SSBP2: variants seen among roughly 807,000 people sequenced by gnomAD.
The protein encoded by SSBP2 is single stranded DNA binding protein 2.
A neutral mutation model predicts 61.8 loss-of-function variants in SSBP2; 17 were observed. The ratio of observed to expected loss-of-function variants is 0.28; its 90% confidence interval spans 0.19 to 0.41. The LOEUF (loss-of-function observed/expected upper bound fraction) is 0.41, where lower values mean the gene tolerates loss of function less well. SSBP2 is among the 10% of genes least tolerant of loss of function. The pLI, the probability that SSBP2 is intolerant of heterozygous loss-of-function variation, is 1.00. For synonymous variants in SSBP2, 139 were observed against 141.3 expected, an observed-to-expected ratio of 0.98 and a Z score of 0.12; for missense variants, 310 against 458.7, an observed-to-expected ratio of 0.68 and a Z score of 2.96.
chr5:81,524,426 T>G (rs2154097844), intron 4 of SSBP2, among the ~76,000 whole-genome samples: 1 of 152,166 alleles, frequency 6.6e-6, no homozygotes, highest in Non-Finnish European at 1.5e-5. Context: ...TACAAAACTG[T>G]GAGATAATAA....
intron 4 of SSBP2, among the ~76,000 whole-genome samples, chr5:81,582,263 TTTTC>T (rs1405962471): frequency 2.2e-4 from 34 of 152,274 alleles, no homozygotes; most frequent in African/African-American, 8.2e-4. Flanking sequence ...CAAGACTATG[TTTTC>T]TTTATTTTTA....
chr5:81,424,275 T>C (rs919663232), intron 16 of SSBP2, among the ~76,000 whole-genome samples: 2 of 151,448 alleles, frequency 1.3e-5, no homozygotes, highest in African/African-American at 2.4e-5. Flanking sequence ...AATACAAAAA[T>C]TAGCCAGGCA....
rs113423842 is a variant in SSBP2 at position 81,563,973 on chromosome 5, C to A, written c.283-50256G>T. Among the ~76,000 whole-genome samples, 741 of 152,200 alleles carry A rather than the reference C, an allele frequency of 4.9e-3. 7 individuals are homozygous for A. Among genetic ancestry groups the A allele is most frequent in the African/African-American group, 0.015 (630 of 41,530 alleles). ...TGGAATGGAAGAAAATATTTGCAAA[C>A]CATATATCTAATATCTAATAATGGG... On this transcript the variant is annotated intron_variant, in intron 4 of 16. Transcript: ENST00000320672.
intron 1 of SSBP2, among the ~76,000 whole-genome samples, chr5:81,745,485 A>C (rs1757297782): frequency 6.6e-6 from 1 of 152,098 alleles, no homozygotes; most frequent in South Asian, 2.1e-4. Flanking sequence ...CTATTGCTCC[A>C]ATGCTATTTT....
At chr5:81,441,304 T>A (rs1054200163) in intron 13 of SSBP2, among the ~76,000 whole-genome samples, 1 of 152,128 alleles carries the variant, frequency 6.6e-6, no homozygotes, top group Admixed American at 6.6e-5. Context: ...GAAGTCTGGT[T>A]CAAAACAGGT....
intron 1 of SSBP2, among the ~76,000 whole-genome samples, chr5:81,750,185 G>C (rs1291491919): frequency 2.0e-5 from 3 of 151,526 alleles, no homozygotes; most frequent in South Asian, 4.2e-4. Context: ...AGCTCCCCGG[G>C]AACTCGGTCC....
intron 11 of SSBP2, among the ~76,000 whole-genome samples, chr5:81,448,432 T>C (rs1763546032): frequency 6.6e-6 from 1 of 152,192 alleles, no homozygotes; most frequent in African/African-American, 2.4e-5. Context: ...TTAGACGCTA[T>C]GTGTGGTGCA....
upstream of SSBP2, among the ~76,000 whole-genome samples, chr5:81,751,477 G>A (rs1757774890): frequency 6.6e-6 from 1 of 152,098 alleles, no homozygotes; most frequent in Non-Finnish European, 1.5e-5. Flanking sequence ...TCACTGGAGA[G>A]AAGGCGCCGG....
At chr5:81,639,261 T>C (rs761748500) in intron 2 of SSBP2, among the ~76,000 whole-genome samples, 2 of 152,196 alleles carry the variant, frequency 1.3e-5, no homozygotes, top group Non-Finnish European at 2.9e-5. Flanking sequence ...TTTCTAATTG[T>C]TTACATTTCA....
At chr5:81,471,821 T>C (rs1765263338) in intron 8 of SSBP2, among the ~76,000 whole-genome samples, 1 of 151,902 alleles carries the variant, frequency 6.6e-6, no homozygotes, top group Non-Finnish European at 1.5e-5. Context: ...ACTGTATTTA[T>C]ATGGGTTTTT....
intron 1 of SSBP2, among the ~76,000 whole-genome samples, chr5:81,712,821 C>T (rs935756050): frequency 9.2e-5 from 14 of 151,638 alleles, no homozygotes; most frequent in African/African-American, 3.1e-4. Flanking sequence ...CAGCCTTGAC[C>T]TCCTGGGCTC....
At position 81,729,803 on chromosome 5, in the gene SSBP2, T is replaced by C. The variant is rs1170943746; in HGVS notation, c.62+21178A>G. On this transcript the variant is annotated intron_variant, in intron 1 of 16. Coordinates refer to ENST00000320672, the MANE Select transcript of SSBP2 (RefSeq NM_012446.5). ...TATGAGATACAATGTGGTATTTTCATATAACTTGTAAGTTATATATAAGCT... is the reference window on the plus strand; with the variant it reads ...TATGAGATACAATGTGGTATTTTCACATAACTTGTAAGTTATATATAAGCT... 2.0e-5 allele frequency among the ~76,000 whole-genome samples: 3 copies of C among 152,162 alleles called. No individual in the cohort carries two copies. In the East Asian group the frequency reaches 5.8e-4, roughly 29 times the overall value.
chr5:81,750,386 C>T (rs997323828), intron 1 of SSBP2, among the ~76,000 whole-genome samples: 3 of 146,248 alleles, frequency 2.1e-5, no homozygotes, highest in African/African-American at 4.9e-5. Flanking sequence ...CCCGCGGGGC[C>T]CCGCTCGGCC....
chr5:81,580,741 C>A (rs962159097), intron 4 of SSBP2, among the ~76,000 whole-genome samples: 1 of 103,164 alleles, frequency 9.7e-6, no homozygotes, highest in Admixed American at 1.1e-4. Flanking sequence ...TAAAAAATTT[C>A]AGTGTAGGTA....
chr5:81,633,108 C>CT (rs143423636), intron 3 of SSBP2, among the ~76,000 whole-genome samples: 1,034 of 64,850 alleles, frequency 0.016, 198 homozygotes, highest in African/African-American at 0.044. Flanking sequence ...GAGCCTCTGT[C>CT]TTTTTTTTTT....
chr5:81,453,428 A>T (rs1045748580), intron 10 of SSBP2, among the ~76,000 whole-genome samples: 4 of 151,212 alleles, frequency 2.6e-5, no homozygotes, highest in African/African-American at 7.3e-5. Context: ...AGATGCAGTG[A>T]TTAGGAAATA....
chr5:81,567,933 CT>C (rs1332241980), intron 4 of SSBP2, among the ~76,000 whole-genome samples: 2 of 152,288 alleles, frequency 1.3e-5, no homozygotes, highest in South Asian at 4.1e-4. Context: ...TCTGTACCCC[CT>C]GTATCTAGGA....
At chr5:81,696,200 A>G (rs1335709164) in intron 1 of SSBP2, among the ~76,000 whole-genome samples, 4 of 151,994 alleles carry the variant, frequency 2.6e-5, no homozygotes, top group Non-Finnish European at 4.4e-5. Context: ...CCACCCCAAT[A>G]CTATTCCATT....
At chr5:81,525,902 G>C (rs550372385) in intron 4 of SSBP2, among the ~76,000 whole-genome samples, 4 of 152,116 alleles carry the variant, frequency 2.6e-5, no homozygotes, top group African/African-American at 9.6e-5. Flanking sequence ...TTCTATTTAA[G>C]AAGTTCTTTA....
Sources: allele counts gnomAD v4.1 joint callset (sites outside exome capture counted in the v4.1 genomes callset), GRCh38; gene constraint gnomAD v4.1.1; transcripts MANE v1.5; gene names NCBI Gene and HGNC (gene_info 2026-07-23, HGNC 2026-07-21).